INPP4B: variants seen among roughly 807,000 people sequenced by gnomAD.
INPP4B encodes the protein inositol polyphosphate 4-phosphatase type II.
INPP4B carries 55 observed loss-of-function variants against 122.5 expected under a neutral mutation model. The observed-to-expected ratio is 0.45, with a 90% confidence interval of 0.36 to 0.56. The LOEUF (loss-of-function observed/expected upper bound fraction) is 0.56. Among genes scored for constraint, INPP4B ranks in the 20% least tolerant of loss-of-function variants. The pLI, the probability that INPP4B is intolerant of heterozygous loss-of-function variation, is 0.00. For missense variants in INPP4B, 1,000 were observed against 1,097.7 expected (o/e 0.91, Z 1.26); for synonymous variants, 403 against 388.7 (o/e 1.04, Z -0.43).
chr4:142,097,882 A>G (rs1294676853), intron 23 of INPP4B, among the ~76,000 whole-genome samples: 4 of 152,138 alleles, frequency 2.6e-5, no homozygotes, highest in African/African-American at 4.8e-5. Context: ...AACTTATACC[A>G]TGCATTCAAC....
At chr4:142,364,807 C>T (rs537431581) in intron 7 of INPP4B, among the ~76,000 whole-genome samples, 1 of 152,118 alleles carries the variant, frequency 6.6e-6, no homozygotes, top group Non-Finnish European at 1.5e-5. Flanking sequence ...GTGTGCTCCC[C>T]AAGAGAGAAT....
chr4:142,167,771 A>C (rs1028081631), intron 16 of INPP4B, among the ~76,000 whole-genome samples: 3 of 151,696 alleles, frequency 2.0e-5, no homozygotes, highest in Non-Finnish European at 3.0e-5. Flanking sequence ...TGAATTAATA[A>C]AAAAATCTAT....
chr4:142,150,641 C>T (rs2152863278), intron 17 of INPP4B, among the ~76,000 whole-genome samples: 1 of 152,250 alleles, frequency 6.6e-6, no homozygotes, highest in Admixed American at 6.5e-5. Context: ...GAGTCAGGTG[C>T]TCATTTATTT....
intron 2 of INPP4B, among the ~76,000 whole-genome samples, chr4:142,718,542 G>A (rs1764107406): frequency 6.6e-6 from 1 of 152,164 alleles, no homozygotes; most frequent in Non-Finnish European, 1.5e-5. Flanking sequence ...TCAATGATAA[G>A]AGTGTCTTAA....
chr4:142,267,351 G>A (rs1415369181), intron 10 of INPP4B, among the ~76,000 whole-genome samples: 1 of 152,046 alleles, frequency 6.6e-6, no homozygotes, highest in Non-Finnish European at 1.5e-5. Flanking sequence ...GCATGTTACT[G>A]GCATAAAAAC....
chr4:142,720,797 CTCTCTCTCTCTCTA>C (rs1269784092), intron 2 of INPP4B, among the ~76,000 whole-genome samples: 1 of 29,368 alleles, frequency 3.4e-5, no homozygotes, highest in Non-Finnish European at 6.8e-5. Context: ...CTCTCTCTCT[CTCTCTCTCTCTCTA>C]TATATATATA....
At chr4:142,094,405 T>C (rs3756112) in intron 23 of INPP4B, among the ~76,000 whole-genome samples, 39,411 of 152,124 alleles carry the variant, frequency 0.26, 5,190 homozygotes, top group East Asian at 0.3. Context: ...TTTACCCCAA[T>C]GATAGCCCTA....
intron 25 of INPP4B, among the ~76,000 whole-genome samples, chr4:142,066,256 T>G (rs2152458752): frequency 6.6e-6 from 1 of 152,364 alleles, no homozygotes; most frequent in South Asian, 2.1e-4. Context: ...CTCTATTTTC[T>G]TCTGAAACAT....
intron 2 of INPP4B, among the ~76,000 whole-genome samples, chr4:142,707,395 C>A (rs570581794): frequency 2.0e-5 from 3 of 152,266 alleles, no homozygotes; most frequent in Admixed American, 6.5e-5. Context: ...TTATGTCTTT[C>A]TGATATGGTT....
intron 2 of INPP4B, among the ~76,000 whole-genome samples, chr4:142,486,164 T>C (rs1301427172): frequency 6.6e-6 from 1 of 152,168 alleles, no homozygotes; most frequent in Non-Finnish European, 1.5e-5. Flanking sequence ...TTGGAATTTA[T>C]ATGAAAAGAA....
intron 23 of INPP4B, among the ~76,000 whole-genome samples, chr4:142,087,485 G>A (rs1777423492): frequency 1.3e-5 from 2 of 152,174 alleles, no homozygotes; most frequent in South Asian, 4.1e-4. Flanking sequence ...CAAAAAGACT[G>A]TCTAAGTGAA....
intron 2 of INPP4B, among the ~76,000 whole-genome samples, chr4:142,694,216 T>C (rs369081725): frequency 7.9e-5 from 12 of 151,774 alleles, no homozygotes; most frequent in African/African-American, 2.7e-4. Context: ...GTACTAAAAA[T>C]ACAAAAATTA....
At chr4:142,332,522 T>G (rs954232846) in intron 7 of INPP4B, among the ~76,000 whole-genome samples, 20 of 150,812 alleles carry the variant, frequency 1.3e-4, no homozygotes, top group African/African-American at 4.9e-4. Context: ...CATATATAGT[T>G]AAAAAAAAAG....
intron 7 of INPP4B, among the ~76,000 whole-genome samples, chr4:142,338,518 G>T (rs564817593): frequency 1.3e-5 from 2 of 152,110 alleles, no homozygotes; most frequent in Admixed American, 6.6e-5. Flanking sequence ...GATTACAGGC[G>T]TGAGCCACCA....
intron 2 of INPP4B, among the ~76,000 whole-genome samples, chr4:142,625,896 T>A (rs1335442932): frequency 2.6e-5 from 4 of 152,192 alleles, no homozygotes; most frequent in African/African-American, 9.6e-5. Context: ...GATTCCCTAC[T>A]TAATAAATGG....
intron 3 of INPP4B, among the ~76,000 whole-genome samples, chr4:142,454,722 C>A (rs1268918540): frequency 6.6e-6 from 1 of 152,004 alleles, no homozygotes; most frequent in Non-Finnish European, 1.5e-5. Context: ...CTTAGCCATA[C>A]CGTTCCTTAT....
At chr4:142,401,082 C>T (rs944401250) in intron 7 of INPP4B, among the ~76,000 whole-genome samples, 1 of 152,156 alleles carries the variant, frequency 6.6e-6, no homozygotes, top group Non-Finnish European at 1.5e-5. Flanking sequence ...TAATCAGCGG[C>T]TTTGCAGAAC....
At chr4:142,190,185 ATT>A in intron 15 of INPP4B, among the ~76,000 whole-genome samples, 1 of 140,000 alleles carries the variant, frequency 7.1e-6, no homozygotes, top group African/African-American at 2.6e-5. Context: ...TGGGTTTTTT[ATT>A]TGTTTGTTTG....
chr4:142,263,680 A>ATATATATATC (rs61694410), intron 10 of INPP4B, among the ~76,000 whole-genome samples: 5 of 81,942 alleles, frequency 6.1e-5, no homozygotes, highest in African/African-American at 1.9e-4. Context: ...ATATATATAT[A>ATATATATATC]ACATTGAACA....
Sources: allele counts gnomAD v4.1 joint callset (sites outside exome capture counted in the v4.1 genomes callset), GRCh38; gene constraint gnomAD v4.1.1; transcripts MANE v1.5; gene names NCBI Gene and HGNC (gene_info 2026-07-23, HGNC 2026-07-21).